The following ZNF581 variants were observed in gnomAD, a reference collection of about 807,000 sequenced individuals.
The protein encoded by ZNF581 is zinc finger protein 581.
Under a neutral mutation model 1.2 loss-of-function variants are expected in ZNF581, and 1 was observed. The observed-to-expected ratio is 0.83, with a 90% CI of 0.30 to 3.95. The LOEUF (loss-of-function observed/expected upper bound fraction) is 3.95, where lower values mean the gene tolerates loss of function less well. ZNF581 is among the 30% of genes most tolerant of loss of function. The probability of loss-of-function intolerance (pLI) is 0.18; values close to 1 mark genes in which losing one functional copy is unlikely to be tolerated. For synonymous variants in ZNF581, 105 were observed against 109.2 expected (o/e 0.96, Z 0.24); for missense variants, 273 against 274.6 (o/e 0.99, Z 0.04).
upstream of ZNF581, chr19:55,640,325 G>GCGCA (rs1982375760): frequency 3.0e-6 from 3 of 985,136 alleles, no homozygotes; most frequent in Non-Finnish European, 3.6e-6. Context: ...CCAGGACCTG[G>GCGCA]CGCAGCCCGC....
upstream of ZNF581, chr19:55,642,365 T>A: frequency 7.8e-7 from 1 of 1,280,776 alleles, no homozygotes; most frequent in Non-Finnish European, 9.9e-7. Context: ...TCACAGTTTT[T>A]ATTTTGCTAG....
At chr19:55,638,582 C>G (rs1264022960), upstream of ZNF581, among the ~76,000 whole-genome samples, 2 of 152,110 alleles carry the variant, frequency 1.3e-5, no homozygotes, top group African/African-American at 2.4e-5. Flanking sequence ...TCAGCGAGAT[C>G]TCACTCATTA....
At chr19:55,642,754 C>G, upstream of ZNF581, 3 of 1,537,130 alleles carry the variant, frequency 2.0e-6, no homozygotes, top group Non-Finnish European at 2.6e-6. Flanking sequence ...GCGAGGCGCC[C>G]CCAGGAGAGC....
At position 55,644,850 on chromosome 19, in the gene ZNF581, A is replaced by G; in HGVS notation, c.279A>G (p.Ser93=). ...AGTGCTACAGCTGCCCCGTGTGCTC[A>G]AGGGTCTTCGAGTACATGTCCTACC... ...QKKCYSCPVC[S]RVFEYMSYLQ... The change falls in exon 2 of 2, where the codon TCA becomes TCG. Residue 93 remains serine (S), a synonymous_variant. Coordinates refer to ENST00000270451, the MANE Select transcript of ZNF581 (RefSeq NM_016535.4). This position sits in a 1 kb window ranked among gnomAD's most constrained non-coding sequence, Gnocchi z 4.3. The G allele has an allele frequency of 6.2e-7, 1 of 1,613,354 alleles. No individual in the cohort carries two copies. The highest frequency in any genetic ancestry group is 8.5e-7 in the Non-Finnish European group (1 of 1,179,342).
upstream of ZNF581, chr19:55,643,106 C>G (rs188200089): frequency 7.6e-7 from 1 of 1,318,600 alleles, no homozygotes; most frequent in South Asian, 2.3e-5. Flanking sequence ...CACTCCCACA[C>G]ACACCCCCTG....
In ZNF581 at chr19:55,645,229, C is replaced by T. The variant is rs1982782963; in HGVS notation, c.*64C>T. ...CAGGGAGCCTGGACTCCTGTCCAGA[C>T]ACCTGGTGAGAGCCTGAGGCTGGTG... On this transcript the variant is annotated 3_prime_UTR_variant, in exon 2 of 2. Coordinates refer to ENST00000270451, the MANE Select transcript of ZNF581 (RefSeq NM_016535.4). 1.4e-6 allele frequency: 2 copies of T among 1,405,958 alleles called. No homozygotes were observed. The highest frequency in any genetic ancestry group is 1.9e-6 in the Non-Finnish European group (2 of 1,045,362). The allele number at this position is 1,405,958 out of a possible 1,614,324, so 87.1% of individuals were successfully genotyped here.
upstream of ZNF581, chr19:55,635,296 C>G (rs948440696): frequency 6.6e-6 from 1 of 152,338 alleles, no homozygotes; most frequent in African/African-American, 2.4e-5. Context: ...GAGGCACAGG[C>G]CTGGGCATCA....
upstream of ZNF581, chr19:55,640,049 T>C (rs1416288570): frequency 1.2e-6 from 1 of 840,110 alleles, no homozygotes; most frequent in East Asian, 1.2e-4. Context: ...TGGACAGTGC[T>C]CTAGGATGTA....
chr19:55,644,779 G>A lies in ZNF581; in HGVS notation c.208G>A (p.Glu70Lys). The stretch of plus-strand genomic sequence containing the variant: ...CCCCTACACAGTGCTGGTGGACGAG[G>A]AGTCACAGAGGGAGCCAGGGGCCAG... ...GVPYTVLVDE[E>K]SQREPGASGA... is the part of the protein sequence containing the mutation. Residue 70 changes from glutamate (E) to lysine (K), a missense_variant, in exon 2 of 2, where the codon GAG (glutamate) becomes AAG (lysine). Transcript: ENST00000270451. This position sits in a 1 kb window ranked among gnomAD's most constrained non-coding sequence, Gnocchi z 4.3. 6.2e-7 allele frequency: 1 copy of A among 1,613,866 alleles called. No homozygotes were observed. Among genetic ancestry groups the A allele is most frequent in the Non-Finnish European group, 8.5e-7 (1 of 1,179,756 alleles).
At chr19:55,640,792 A>G (rs932945877), upstream of ZNF581, 6 of 985,366 alleles carry the variant, frequency 6.1e-6, no homozygotes, top group African/African-American at 1.7e-5. Flanking sequence ...AACTTTGCTT[A>G]GTCTCGGTTT....
upstream of ZNF581, among the ~76,000 whole-genome samples, chr19:55,638,243 G>T (rs373040964): frequency 4.6e-5 from 7 of 152,120 alleles, no homozygotes; most frequent in African/African-American, 1.7e-4. Context: ...TTGTTTGTTT[G>T]TTTGTTTGTT....
chr19:55,638,478 G>T (rs943497725), upstream of ZNF581, among the ~76,000 whole-genome samples: 10 of 152,060 alleles, frequency 6.6e-5, no homozygotes, highest in African/African-American at 2.4e-4. Context: ...CTCGTAATCT[G>T]CCCGCCTCGC....
At chr19:55,640,676 A>G, upstream of ZNF581, 1 of 985,418 alleles carries the variant, frequency 1.0e-6, no homozygotes, top group Non-Finnish European at 1.2e-6. Context: ...GCCGGCAGGA[A>G]CATCCCTTCT....
chr19:55,638,008 G>A (rs1329568250), upstream of ZNF581, among the ~76,000 whole-genome samples: 2 of 152,206 alleles, frequency 1.3e-5, no homozygotes, highest in African/African-American at 4.8e-5. Flanking sequence ...GAGAGGGATT[G>A]TGTTAGTTTC....
upstream of ZNF581, chr19:55,642,981 G>C: frequency 7.3e-7 from 1 of 1,374,828 alleles, no homozygotes; most frequent in Non-Finnish European, 9.4e-7. Context: ...TGCCCACGCC[G>C]CTTCCAGGAC....
At chr19:55,641,173 C>T (rs1410016316), upstream of ZNF581, 1 of 985,378 alleles carries the variant, frequency 1.0e-6, no homozygotes, top group Non-Finnish European at 1.2e-6. Context: ...CCCGAGAGGC[C>T]GCCGCACGGG....
upstream of ZNF581, chr19:55,640,189 A>C (rs1012354589): frequency 2.0e-6 from 2 of 985,326 alleles, no homozygotes; most frequent in African/African-American, 3.5e-5. Flanking sequence ...TGGCTGGAGG[A>C]GGAGCTGCAG....
In ZNF581 at chr19:55,644,973, T is replaced by A. The variant is rs1164218456; in HGVS notation, c.402T>A (p.His134Gln). The change falls in exon 2 of 2, where the codon CAT becomes CAA. Residue 134 changes from histidine to glutamine, a missense_variant. His to Gln is a conservative substitution (Grantham distance 24). Transcript: ENST00000270451. This position sits in a 1 kb window ranked among gnomAD's most constrained non-coding sequence, Gnocchi z 4.3. ...FKRASHLARH[H>Q]SIHLAGGGRP... ...GCGCCAGCCACTTGGCACGGCACCA[T>A]TCCATTCACCTGGCGGGTGGTGGGC... 2 of 1,609,056 alleles carry A rather than the reference T, an allele frequency of 1.2e-6. No individual in the cohort carries two copies. The highest frequency in any genetic ancestry group is 1.7e-6 in the Non-Finnish European group (2 of 1,176,014).
In ZNF581 at chr19:55,644,872, T is replaced by C. The variant is rs758364185; in HGVS notation, c.301T>C (p.Tyr101His). Residue 101 changes from tyrosine (Y) to histidine (H), a missense_variant, in exon 2 of 2, where the codon TAC becomes CAC. By Grantham distance (83) the Tyr-to-His change is moderately conservative (BLOSUM62 2). Coordinates refer to ENST00000270451, the MANE Select transcript of ZNF581 (RefSeq NM_016535.4). This position sits in a 1 kb window ranked among gnomAD's most constrained non-coding sequence, Gnocchi z 4.3. ...CTCAAGGGTCTTCGAGTACATGTCC[T>C]ACCTTCAGCGACACAGCATCACCCA... ...VCSRVFEYMS[Y>H]LQRHSITHSE... is the part of the protein sequence containing the mutation. The C allele has an allele frequency of 1.9e-6, 3 of 1,613,846 alleles. No homozygotes were observed. Among genetic ancestry groups the C allele is most frequent in the Non-Finnish European group, 2.5e-6 (3 of 1,179,726 alleles).
Sources: gnomAD v4.1 joint callset for allele counts (sites outside exome capture counted in the v4.1 genomes callset) on GRCh38, gnomAD v4.1.1 for gene constraint, Gnocchi (gnomAD v3.1) non-coding constraint, MANE v1.5 for transcripts, NCBI Gene and HGNC (gene_info 2026-07-23, HGNC 2026-07-21) for gene names.